The following EBF1 variants were observed in gnomAD, a reference collection of about 807,000 sequenced individuals.
EBF1 encodes transcription factor COE1.
EBF1 carries 10 observed loss-of-function variants against 68.4 expected under a neutral mutation model. The observed-to-expected ratio is 0.15, with a 90% CI of 0.09 to 0.25. The LOEUF (loss-of-function observed/expected upper bound fraction) is 0.25. Among genes scored for constraint, EBF1 ranks in the 10% least tolerant of loss-of-function variants. The probability of loss-of-function intolerance (pLI) is 1.00; values close to 1 mark genes in which losing one functional copy is unlikely to be tolerated. For missense variants in EBF1, 509 were observed against 794.4 expected (o/e 0.64, Z 4.32); for synonymous variants, 298 against 299.8 (o/e 0.99, Z 0.06).
intron 6 of EBF1, among the ~76,000 whole-genome samples, chr5:159,035,770 G>A (rs1168772058): frequency 6.6e-6 from 1 of 152,172 alleles, no homozygotes; most frequent in African/African-American, 2.4e-5. Context: ...GAATGGAGAG[G>A]CTGAAGAATG....
intron 6 of EBF1, among the ~76,000 whole-genome samples, chr5:158,982,640 C>T (rs1448241106): frequency 6.6e-6 from 1 of 152,038 alleles, no homozygotes; most frequent in Non-Finnish European, 1.5e-5. Flanking sequence ...ATTCTTTTTG[C>T]TTTACACGGT....
chr5:158,703,654 A>G (rs893543160), intron 15 of EBF1, among the ~76,000 whole-genome samples: 1 of 148,990 alleles, frequency 6.7e-6, no homozygotes, highest in African/African-American at 2.5e-5. Context: ...CAAACGTTTT[A>G]TCTACCTGGG....
intron 6 of EBF1, among the ~76,000 whole-genome samples, chr5:158,898,215 C>G (rs1802550181): frequency 6.6e-6 from 1 of 152,210 alleles, no homozygotes; most frequent in Non-Finnish European, 1.5e-5. Flanking sequence ...TATCTTGGGT[C>G]TGAATAGCCC....
intron 6 of EBF1, among the ~76,000 whole-genome samples, chr5:158,845,210 G>A (rs1436367288): frequency 2.0e-5 from 3 of 152,188 alleles, no homozygotes; most frequent in Admixed American, 6.5e-5. Context: ...GACAGCAGTA[G>A]AATATACTGG....
At chr5:158,849,073 T>C (rs1277339930) in intron 6 of EBF1, among the ~76,000 whole-genome samples, 5 of 152,180 alleles carry the variant, frequency 3.3e-5, no homozygotes, top group African/African-American at 1.2e-4. Context: ...TTCAAGTTTT[T>C]CTCCAAAAGA....
At chr5:159,055,767 T>G (rs1774626764) in intron 6 of EBF1, among the ~76,000 whole-genome samples, 1 of 151,974 alleles carries the variant, frequency 6.6e-6, no homozygotes. Flanking sequence ...TGGTGGTGAT[T>G]TGGAAAAGAG....
At chr5:158,750,709 A>G (rs181321432) in intron 10 of EBF1, among the ~76,000 whole-genome samples, 26 of 152,242 alleles carry the variant, frequency 1.7e-4, no homozygotes, top group Non-Finnish European at 4.4e-5. Context: ...TGCAAATAAT[A>G]AAAGCATTAT....
chr5:159,064,932 G>A (rs1184106701), intron 6 of EBF1, among the ~76,000 whole-genome samples: 2 of 89,526 alleles, frequency 2.2e-5, no homozygotes, highest in Admixed American at 3.4e-4. Flanking sequence ...TTTGGTCTCT[G>A]TAGAGTATGT....
chr5:158,858,470 C>T (rs747581793), intron 6 of EBF1, among the ~76,000 whole-genome samples: 1 of 152,190 alleles, frequency 6.6e-6, no homozygotes, highest in Non-Finnish European at 1.5e-5. Flanking sequence ...CTGGCTTGCT[C>T]TGAAGACTGC....
intron 6 of EBF1, among the ~76,000 whole-genome samples, chr5:159,063,621 T>C (rs1776250360): frequency 6.6e-6 from 1 of 152,160 alleles, no homozygotes; most frequent in South Asian, 2.1e-4. Flanking sequence ...CTGAAAACAG[T>C]GCATGACATA....
chr5:158,940,806 A>C (rs1037204621), intron 6 of EBF1, among the ~76,000 whole-genome samples: 1 of 115,094 alleles, frequency 8.7e-6, no homozygotes, highest in South Asian at 3.1e-4. Flanking sequence ...ATGGACTCCA[A>C]TGGAAAGTGA....
intron 6 of EBF1, among the ~76,000 whole-genome samples, chr5:159,072,905 C>T: frequency 6.6e-6 from 1 of 152,160 alleles, no homozygotes; most frequent in East Asian, 1.9e-4. Context: ...CGGCAAATAA[C>T]AGTAGAAAAT....
intron 6 of EBF1, among the ~76,000 whole-genome samples, chr5:158,950,958 T>A (rs1207498762): frequency 6.6e-6 from 1 of 152,202 alleles, no homozygotes. Flanking sequence ...CTTCTGACTT[T>A]TCAAGAGAAG....
chr5:158,798,269 T>C (rs899841875), intron 8 of EBF1, among the ~76,000 whole-genome samples: 10 of 152,218 alleles, frequency 6.6e-5, no homozygotes, highest in African/African-American at 2.4e-4. Context: ...TTTAACTGAA[T>C]TGGTCTTGAG....
chr5:158,891,829 A>G (rs1801238248), intron 6 of EBF1, among the ~76,000 whole-genome samples: 2 of 152,066 alleles, frequency 1.3e-5, no homozygotes, highest in East Asian at 1.9e-4. Context: ...TTCTTTTGGT[A>G]TTTCAGTTTT....
intron 8 of EBF1, among the ~76,000 whole-genome samples, chr5:158,802,638 T>C (rs1156709287): frequency 6.6e-6 from 1 of 152,140 alleles, no homozygotes; most frequent in African/African-American, 2.4e-5. Context: ...ATTTTAACAT[T>C]TGGAGTATGA....
intron 15 of EBF1, among the ~76,000 whole-genome samples, chr5:158,705,531 T>C (rs1469250293): frequency 6.6e-6 from 1 of 152,178 alleles, no homozygotes; most frequent in Non-Finnish European, 1.5e-5. Context: ...CTCTGTACTT[T>C]TGGGATCTGT....
intron 6 of EBF1, among the ~76,000 whole-genome samples, chr5:158,936,198 A>G (rs1811984736): frequency 6.6e-6 from 1 of 152,142 alleles, no homozygotes; most frequent in African/African-American, 2.4e-5. Context: ...ACACATGAAA[A>G]TGGTCTTTGA....
At chr5:158,914,984 T>C (rs559612058) in intron 6 of EBF1, among the ~76,000 whole-genome samples, 5 of 152,344 alleles carry the variant, frequency 3.3e-5, no homozygotes, top group African/African-American at 1.2e-4. Context: ...AGAATAATCC[T>C]TTATAATTAA....
Sources: allele counts gnomAD v4.1 joint callset (sites outside exome capture counted in the v4.1 genomes callset), GRCh38; gene constraint gnomAD v4.1.1; transcripts MANE v1.5; gene names NCBI Gene and HGNC (gene_info 2026-07-23, HGNC 2026-07-21).